FGF12: variants seen among roughly 807,000 people sequenced by gnomAD.
FGF12 encodes the protein fibroblast growth factor 12.
A neutral mutation model predicts 23.6 loss-of-function variants in FGF12; 14 were observed. That is an observed-to-expected ratio of 0.59 (90% CI 0.39 to 0.93). The LOEUF (loss-of-function observed/expected upper bound fraction) is 0.93, where lower values mean the gene tolerates loss of function less well. Among genes scored for constraint, FGF12 ranks in the 40% least tolerant of loss-of-function variants. The pLI is 0.00. For missense variants in FGF12, 175 were observed against 217.8 expected, an observed-to-expected ratio of 0.80 and a Z score of 1.24; for synonymous variants, 62 against 77.3, an observed-to-expected ratio of 0.80 and a Z score of 1.04.
At chr3:192,657,705 G>A (rs2108681526) in intron 2 of FGF12, among the ~76,000 whole-genome samples, 1 of 152,170 alleles carries the variant, frequency 6.6e-6, no homozygotes, top group East Asian at 1.9e-4. Flanking sequence ...CCTACATTTG[G>A]CTATAGTATA....
At chr3:192,620,763 A>T (rs1714944817) in intron 2 of FGF12, among the ~76,000 whole-genome samples, 1 of 152,128 alleles carries the variant, frequency 6.6e-6, no homozygotes, top group African/African-American at 2.4e-5. Context: ...GCCCCCCAAC[A>T]TCAATGCAGT....
At chr3:192,482,253 TTTAAGA>T (rs1723501105) in intron 2 of FGF12, among the ~76,000 whole-genome samples, 1 of 152,068 alleles carries the variant, frequency 6.6e-6, no homozygotes, top group Non-Finnish European at 1.5e-5. Flanking sequence ...TCATATATTA[TTTAAGA>T]TTATTTTATT....
chr3:192,487,851 C>T (rs923771521), intron 2 of FGF12, among the ~76,000 whole-genome samples: 5 of 152,070 alleles, frequency 3.3e-5, no homozygotes, highest in African/African-American at 9.6e-5. Flanking sequence ...GGTATTAGGT[C>T]GGGAATTTTA....
At chr3:192,285,568 G>A (rs1714403109) in intron 4 of FGF12, among the ~76,000 whole-genome samples, 1 of 151,790 alleles carries the variant, frequency 6.6e-6, no homozygotes, top group Admixed American at 6.6e-5. Context: ...TTCAGTTACT[G>A]TCATTTTCTT....
At chr3:192,439,713 A>C (rs967026966) in intron 2 of FGF12, among the ~76,000 whole-genome samples, 6 of 152,312 alleles carry the variant, frequency 3.9e-5, no homozygotes, top group African/African-American at 1.4e-4. Flanking sequence ...GTGGTGGCTC[A>C]CGCCTGTAAT....
chr3:192,406,419 C>G (rs1267555959), intron 2 of FGF12, among the ~76,000 whole-genome samples: 2 of 152,064 alleles, frequency 1.3e-5, no homozygotes, highest in Non-Finnish European at 2.9e-5. Flanking sequence ...ACATTGAGTT[C>G]AGAACCTTGA....
chr3:192,504,120 T>C (rs1438837633), intron 2 of FGF12, among the ~76,000 whole-genome samples: 1 of 151,968 alleles, frequency 6.6e-6, no homozygotes, highest in Non-Finnish European at 1.5e-5. Flanking sequence ...TTCTCACTTA[T>C]AAGTGGGAGA....
At chr3:192,297,279 G>A (rs999784969) in intron 4 of FGF12, among the ~76,000 whole-genome samples, 4 of 152,140 alleles carry the variant, frequency 2.6e-5, no homozygotes, top group East Asian at 1.9e-4. Context: ...AATTAAAAAC[G>A]TCTTCTGGAT....
At chr3:192,540,626 A>T (rs1034759434) in intron 2 of FGF12, among the ~76,000 whole-genome samples, 4 of 152,182 alleles carry the variant, frequency 2.6e-5, no homozygotes, top group African/African-American at 9.6e-5. Context: ...ATTGGATAAA[A>T]TGTTCTGTAA....
intron 4 of FGF12, among the ~76,000 whole-genome samples, chr3:192,305,498 C>T (rs1715573806): frequency 6.6e-6 from 1 of 151,890 alleles, no homozygotes; most frequent in Non-Finnish European, 1.5e-5. Flanking sequence ...GTCCCCAGCT[C>T]TCACGTCCTC....
intron 4 of FGF12, among the ~76,000 whole-genome samples, chr3:192,185,826 T>G (rs538129487): frequency 1.3e-5 from 2 of 151,646 alleles, no homozygotes; most frequent in African/African-American, 2.4e-5. Flanking sequence ...ACCACTGCAC[T>G]TCAGCCTGGG....
intron 2 of FGF12, among the ~76,000 whole-genome samples, chr3:192,650,408 T>C (rs942993727): frequency 1.3e-5 from 2 of 152,206 alleles, no homozygotes; most frequent in Non-Finnish European, 2.9e-5. Flanking sequence ...CTGCCATCCT[T>C]TTCCTAGTTT....
chr3:192,417,535 G>A (rs1261084729), intron 2 of FGF12, among the ~76,000 whole-genome samples: 1 of 152,046 alleles, frequency 6.6e-6, no homozygotes, highest in Non-Finnish European at 1.5e-5. Context: ...AATAATAAAT[G>A]TTCAGGATGA....
Position 192,379,928 on chromosome 3 carries a change from T to C in FGF12, c.14-19390A>G, listed in dbSNP as rs867056710. ...CAATAATGGTGGTAGTGATAAGACATTGACTTACGATTTTATTATGTTTTA... is the reference window on the plus strand; with the variant it reads ...CAATAATGGTGGTAGTGATAAGACACTGACTTACGATTTTATTATGTTTTA... On this transcript the variant is annotated intron_variant, in intron 2 of 5. Transcript: ENST00000445105. Among the ~76,000 whole-genome samples the C allele has an allele frequency of 9.8e-5, 15 of 152,330 alleles. No individual in the cohort carries two copies. In the Middle Eastern group the frequency reaches 0.01, roughly 104 times the overall value.
chr3:192,314,285 AT>A lies in FGF12; in HGVS notation c.228+21075del, dbSNP rs564505257. Among the ~76,000 whole-genome samples the A allele has an allele frequency of 4.4e-3, 650 of 147,818 alleles. 2 individuals carry two copies. Among genetic ancestry groups the A allele is most frequent in the African/African-American group, 0.016 (625 of 39,418 alleles). On this transcript the variant is annotated intron_variant, in intron 4 of 5. Transcript: ENST00000445105. ...ATATTGCTTAAAATTAAAAATTAAA[AT>A]TAAAAAAAAAACAAAATAAAAGCTA...
rs145116810 is a variant in FGF12, at chr3:192,355,552, C to T, written c.124+4876G>A. ...GAACAAAGTTTGTTTTAATAACACT[C>T]GGCAAGGAGGAAAAATACACACCAG... is the stretch of plus-strand genomic sequence containing the variant. On this transcript the variant is annotated intron_variant, in intron 3 of 5. Coordinates refer to ENST00000445105, the MANE Select transcript of FGF12 (RefSeq NM_004113.6). Among the ~76,000 whole-genome samples, 2 of 152,204 alleles carry T rather than the reference C, an allele frequency of 1.3e-5. 1 individual carries two copies. The highest frequency in any genetic ancestry group is 4.8e-5 in the African/African-American group (2 of 41,512).
chr3:192,428,459 T>A (rs1171780526), intron 2 of FGF12, among the ~76,000 whole-genome samples: 1 of 152,132 alleles, frequency 6.6e-6, no homozygotes, highest in African/African-American at 2.4e-5. Context: ...GTCAAACAGA[T>A]AATTATGAGA....
In FGF12 at chr3:192,280,241, A is replaced by T. The variant is rs184025204; in HGVS notation, c.228+55120T>A. On this transcript the variant is annotated intron_variant, in intron 4 of 5. Transcript: ENST00000445105. The stretch of plus-strand genomic sequence containing the variant: ...TGTAATGAGGTTTTTTTCCAAACAA[A>T]TGTTAGTTAATGGAGCAGATAACAC... Among the ~76,000 whole-genome samples, 4 of 152,282 alleles carry T rather than the reference A, an allele frequency of 2.6e-5. No individual in the cohort carries two copies. The East Asian group carries it at 7.7e-4, about 29-fold the overall frequency.
At chr3:192,581,486 GTATATATA>G (rs71298511) in intron 2 of FGF12, among the ~76,000 whole-genome samples, 33,808 of 144,472 alleles carry the variant, frequency 0.23, 4,579 homozygotes, top group East Asian at 0.34. Flanking sequence ...GTGTGTGTGT[GTATATATA>G]TATATATATA....
Sources: allele counts gnomAD v4.1 joint callset (sites outside exome capture counted in the v4.1 genomes callset), GRCh38; gene constraint gnomAD v4.1.1; transcripts MANE v1.5; gene names NCBI Gene and HGNC (gene_info 2026-07-23, HGNC 2026-07-21).